The following MAGI2 variants were observed in gnomAD, a reference collection of about 807,000 sequenced individuals.
The protein encoded by MAGI2 is membrane-associated guanylate kinase, WW and PDZ domain-containing protein 2.
MAGI2 carries 35 observed loss-of-function variants against 133.3 expected under a neutral mutation model. The ratio of observed to expected loss-of-function variants is 0.26; its 90% CI spans 0.20 to 0.35. The LOEUF (loss-of-function observed/expected upper bound fraction) is 0.35. Among genes scored for constraint, MAGI2 ranks in the 10% least tolerant of loss-of-function variants. The pLI, the probability that MAGI2 is intolerant of heterozygous loss-of-function variation, is 1.00. For missense variants in MAGI2, 1,636 were observed against 1,863.4 expected (o/e 0.88, Z 2.25); for synonymous variants, 729 against 710.6 (o/e 1.03, Z -0.41).
chr7:79,185,500 G>A (rs1826997804), intron 1 of MAGI2, among the ~76,000 whole-genome samples: 1 of 145,286 alleles, frequency 6.9e-6, no homozygotes, highest in African/African-American at 2.5e-5. Context: ...TGTGGCAGTT[G>A]GTTACCAATT....
In MAGI2 at chr7:78,698,279, AAAAGG is replaced by A. The variant is rs535598048; in HGVS notation, c.419-71045_419-71041del. 2.4e-3 allele frequency among the ~76,000 whole-genome samples: 372 copies of A among 152,192 alleles called. 1 individual carries two copies. Among genetic ancestry groups the A allele is most frequent in the African/African-American group, 8.5e-3 (352 of 41,456 alleles). On this transcript the variant is annotated intron_variant, in intron 2 of 21. Transcript: ENST00000354212. ...TTCCTAATCTGAAAATTCGAAATCCAAAAGGTTCCAAAATCTGAAAAATTTCAAGC... is the reference window on the plus strand; with the variant it reads ...TTCCTAATCTGAAAATTCGAAATCCATTCCAAAATCTGAAAAATTTCAAGC...
chr7:78,879,749 G>C (rs990049075), intron 2 of MAGI2, among the ~76,000 whole-genome samples: 2 of 151,746 alleles, frequency 1.3e-5, no homozygotes, highest in East Asian at 1.9e-4. Context: ...TGGAAACTCA[G>C]AAATAAAAAA....
At chr7:79,319,221 C>T (rs1838987022) in intron 1 of MAGI2, among the ~76,000 whole-genome samples, 1 of 152,114 alleles carries the variant, frequency 6.6e-6, no homozygotes, top group South Asian at 2.1e-4. Flanking sequence ...TCATACACAT[C>T]CAGACTCATA....
intron 1 of MAGI2, among the ~76,000 whole-genome samples, chr7:79,439,487 C>T (rs1848363006): frequency 6.6e-6 from 1 of 152,020 alleles, no homozygotes; most frequent in Non-Finnish European, 1.5e-5. Context: ...TCTTCCTGTC[C>T]CTCCTATGTG....
intron 10 of MAGI2, among the ~76,000 whole-genome samples, chr7:78,223,735 T>C (rs1789071297): frequency 6.6e-6 from 1 of 151,798 alleles, no homozygotes; most frequent in African/African-American, 2.4e-5. Flanking sequence ...ATACTGCCCC[T>C]TTTTTTTCAC....
intron 3 of MAGI2, among the ~76,000 whole-genome samples, chr7:78,573,293 TATATATATTTATATATATAA>T (rs1173553596): frequency 6.4e-5 from 4 of 62,960 alleles, no homozygotes; most frequent in Non-Finnish European, 1.1e-4. Context: ...TTTATATAAA[TATATATATTTATATATATAA>T]ATATATAAAT....
intron 2 of MAGI2, among the ~76,000 whole-genome samples, chr7:78,991,592 T>A (rs1318811274): frequency 7.0e-6 from 1 of 141,986 alleles, no homozygotes; most frequent in Non-Finnish European, 1.5e-5. Flanking sequence ...TCATTGTCCT[T>A]TTTTTTTTTT....
intron 1 of MAGI2, among the ~76,000 whole-genome samples, chr7:79,304,340 C>T (rs1003823240): frequency 6.6e-6 from 1 of 151,466 alleles, no homozygotes; most frequent in Non-Finnish European, 1.5e-5. Flanking sequence ...CTGGGAGAGG[C>T]GGGATAGAGT....
chr7:78,466,174 ACAACTCCAGCAT>A (rs1379016551), intron 6 of MAGI2, among the ~76,000 whole-genome samples: 23 of 152,194 alleles, frequency 1.5e-4, no homozygotes, highest in Non-Finnish European at 5.9e-5. Context: ...ACCCTTAGGA[ACAACTCCAGCAT>A]CATACCTTAT....
intron 2 of MAGI2, among the ~76,000 whole-genome samples, chr7:79,004,818 C>G (rs868241961): frequency 9.9e-5 from 15 of 152,254 alleles, no homozygotes; most frequent in African/African-American, 3.6e-4. Context: ...CGTGGTGGCT[C>G]ACGCCTGTAA....
chr7:79,297,548 C>T (rs1332124199), intron 1 of MAGI2, among the ~76,000 whole-genome samples: 1 of 152,094 alleles, frequency 6.6e-6, no homozygotes, highest in Non-Finnish European at 1.5e-5. Context: ...TTATTAATAA[C>T]CTGCAGTCTA....
chr7:79,266,661 T>A (rs1433715695), intron 1 of MAGI2, among the ~76,000 whole-genome samples: 1 of 152,168 alleles, frequency 6.6e-6, no homozygotes, highest in Non-Finnish European at 1.5e-5. Flanking sequence ...TGGCAACATT[T>A]TTCTTAATAG....
intron 20 of MAGI2, among the ~76,000 whole-genome samples, chr7:78,099,050 T>A (rs756949824): frequency 1.9e-4 from 29 of 152,142 alleles, no homozygotes; most frequent in Non-Finnish European, 2.9e-4. Context: ...TTTGGTTACA[T>A]AAAGTGAATA....
At chr7:78,980,317 A>T (rs1804669915) in intron 2 of MAGI2, among the ~76,000 whole-genome samples, 2 of 151,930 alleles carry the variant, frequency 1.3e-5, no homozygotes, top group Admixed American at 1.3e-4. Context: ...AACAAAGTAG[A>T]GTTAACAAGG....
chr7:79,201,760 C>CT (rs1461089920), intron 1 of MAGI2, among the ~76,000 whole-genome samples: 30 of 152,022 alleles, frequency 2.0e-4, no homozygotes, highest in African/African-American at 7.3e-4. Flanking sequence ...TTACTATTTG[C>CT]ATAATAAAAA....
At chr7:78,692,952 T>C (rs1353357754) in intron 2 of MAGI2, among the ~76,000 whole-genome samples, 1 of 152,158 alleles carries the variant, frequency 6.6e-6, no homozygotes, top group Non-Finnish European at 1.5e-5. Context: ...TAGTCTTATA[T>C]TGGAAACATC....
chr7:79,256,861 T>C (rs1045083788), intron 1 of MAGI2, among the ~76,000 whole-genome samples: 13 of 152,150 alleles, frequency 8.5e-5, no homozygotes, highest in African/African-American at 3.1e-4. Context: ...AAAATCCATA[T>C]ACTAAATACA....
At chr7:78,137,328 A>G (rs1822257726) in intron 16 of MAGI2, among the ~76,000 whole-genome samples, 1 of 152,216 alleles carries the variant, frequency 6.6e-6, no homozygotes, top group African/African-American at 2.4e-5. Context: ...AAATTGGTAT[A>G]CTAATAGCAT....
chr7:78,686,745 G>A (rs929148487), intron 2 of MAGI2, among the ~76,000 whole-genome samples: 2 of 152,044 alleles, frequency 1.3e-5, no homozygotes, highest in Non-Finnish European at 2.9e-5. Context: ...GACAGCCTAC[G>A]GGAGGACTAT....
Sources: gnomAD v4.1 joint callset for allele counts (sites outside exome capture counted in the v4.1 genomes callset) on GRCh38, gnomAD v4.1.1 for gene constraint, MANE v1.5 for transcripts, NCBI Gene and HGNC (gene_info 2026-07-23, HGNC 2026-07-21) for gene names.